Variants in TBX4 observed in about 807,000 individuals in gnomAD.
TBX4 encodes T-box transcription factor 4.
Under a neutral mutation model 54.6 loss-of-function variants are expected in TBX4, and 13 were observed. The observed-to-expected ratio is 0.24, with a 90% CI of 0.15 to 0.38. The LOEUF (loss-of-function observed/expected upper bound fraction) is 0.38, where lower values mean the gene tolerates loss of function less well. Ranked by LOEUF, TBX4 falls within the 10% of genes least tolerant of loss-of-function variation. TBX4 has a pLI of 1.00. For missense variants in TBX4, 631 were observed against 728.5 expected, an observed-to-expected ratio of 0.87 and a Z score of 1.54; for synonymous variants, 314 against 306.7, an observed-to-expected ratio of 1.02 and a Z score of -0.25.
At position 61,465,730 on chromosome 17, in the gene TBX4, G is replaced by A. The variant is rs978790301; in HGVS notation, c.282-89G>A. 7 of 1,564,148 alleles carry A rather than the reference G, an allele frequency of 4.5e-6. No homozygotes were observed. Among genetic ancestry groups the A allele is most frequent in the African/African-American group, 2.7e-5 (2 of 73,858 alleles). On this transcript the variant is annotated intron_variant, in intron 3 of 8. Coordinates refer to ENST00000644296, the MANE Select transcript of TBX4 (RefSeq NM_001321120.2). This position sits in a 1 kb window ranked among gnomAD's most constrained non-coding sequence, Gnocchi z 4.9. ...ATCGCTGGCCAAAAGGGCAGCATCT[G>A]TTAGCGGCCTTCTGCCCCCTTGCTC... is the stretch of plus-strand genomic sequence containing the variant.
At chr17:61,467,379 A>G in intron 4 of TBX4, 131 bp from the exon 5 acceptor site, 1 of 1,036,280 alleles carries the variant, frequency 9.6e-7, no homozygotes, top group Non-Finnish European at 1.5e-6. Flanking sequence ...TGAAGTACTA[A>G]TTTGACAATG....
At position 61,484,972 on chromosome 17, in the gene TBX4, A is replaced by ATAT. The variant is rs1555884113; in HGVS notation, c.*1456_*1457insTAT. The ATAT allele has an allele frequency of 1.0e-4, 15 of 147,992 alleles. No individual in the cohort carries two copies. The highest frequency in any genetic ancestry group is 3.6e-3 in the Middle Eastern group (1 of 280). The allele number at this position is 147,992 out of a possible 1,614,324, so 9.2% of individuals were successfully genotyped here. ...TATATATATATATATATATATATAT[A>ATAT]AACACACACACACTACAGATAAGGC... On this transcript the variant is annotated 3_prime_UTR_variant, in exon 9 of 9. Transcript: ENST00000644296. The surrounding 1 kb of genome is among the most constrained non-coding windows in gnomAD (Gnocchi z 4.1).
Position 61,465,063 on chromosome 17 carries a change from G to C in TBX4, c.282-756G>C, listed in dbSNP as rs2060524932. The stretch of plus-strand genomic sequence containing the variant: ...CCAAGGCACAGAGAGGTTCAAGCAA[G>C]TTGCCTAAGGCTTATCAGTGGGGTC... On this transcript the variant is annotated intron_variant, in intron 3 of 8. Coordinates refer to ENST00000644296, the MANE Select transcript of TBX4 (RefSeq NM_001321120.2). This position sits in a 1 kb window ranked among gnomAD's most constrained non-coding sequence, Gnocchi z 4.9. Among the ~76,000 whole-genome samples the C allele has an allele frequency of 6.6e-6, 1 of 152,140 alleles. No individual in the cohort carries two copies. Among genetic ancestry groups the C allele is most frequent in the African/African-American group, 2.4e-5 (1 of 41,404 alleles).
rs71373882 is a variant in TBX4, at chr17:61,465,544, G to C, written c.282-275G>C. Among the ~76,000 whole-genome samples the C allele has an allele frequency of 0.11, 16,573 of 152,252 alleles. 1,035 individuals carry two copies. The highest frequency in any genetic ancestry group is 0.2 in the East Asian group (1,044 of 5,170). ...CCAAGTCTTAGGGGATTATGGGGGA[G>C]GGGATAAGTGAATTTGGGAAATGGT... On this transcript the variant is annotated intron_variant, in intron 3 of 8. Transcript: ENST00000644296. The surrounding 1 kb of genome is among the most constrained non-coding windows in gnomAD (Gnocchi z 4.9).
At chr17:61,467,845 C>T (rs2060547405) in intron 5 of TBX4, among the ~76,000 whole-genome samples, 188 bp downstream of exon 5, 1 of 152,224 alleles carries the variant, frequency 6.6e-6, no homozygotes, top group South Asian at 2.1e-4. Context: ...TTCCCGGCCA[C>T]TTACTGGCTG....
chr17:61,455,110 C>T (rs1262918846), intron 1 of TBX4, among the ~76,000 whole-genome samples: 3 of 152,214 alleles, frequency 2.0e-5, no homozygotes, highest in African/African-American at 7.2e-5. Flanking sequence ...AAGACTGGTC[C>T]GCCTGTCAAC....
intron 5 of TBX4, among the ~76,000 whole-genome samples, chr17:61,469,565 C>A (rs1326937029): frequency 1.3e-5 from 2 of 152,218 alleles, no homozygotes; most frequent in African/African-American, 4.8e-5. Flanking sequence ...TACAACAGCC[C>A]TGTGGGTGTG....
intron 1 of TBX4, 169 bp from the exon 2 acceptor site, chr17:61,456,319 C>G: frequency 1.2e-6 from 1 of 825,972 alleles, no homozygotes; most frequent in East Asian, 2.8e-5. Context: ...AGGCGAGGGA[C>G]CTGCCTTCCT....
rs1430238431 is a variant in TBX4 at position 61,483,513 on chromosome 17, A to T, written c.1638A>T (p.Gly546=). Residue 546 remains glycine (G), a synonymous_variant, in exon 9 of 9, where the codon GGA becomes GGT. Coordinates refer to ENST00000644296, the MANE Select transcript of TBX4 (RefSeq NM_001321120.2). This position sits in a 1 kb window ranked among gnomAD's most constrained non-coding sequence, Gnocchi z 6.6. ...GGACTGTGGAGAACTGGACTGACGG[A>T]TGACTCTCACGTCTCCTCCATAGCC... is the stretch of plus-strand genomic sequence containing the variant. ...GMGTVENWTD[G] 5.6e-6 allele frequency: 9 copies of T among 1,613,888 alleles called. No homozygotes were observed. The highest frequency in any genetic ancestry group is 5.9e-6 in the Non-Finnish European group (7 of 1,180,032).
chr17:61,454,651 CA>C (rs534153763), intron 1 of TBX4, among the ~76,000 whole-genome samples: 116 of 152,380 alleles, frequency 7.6e-4, no homozygotes, highest in African/African-American at 2.7e-3. Flanking sequence ...GAGCACTGAG[CA>C]GGCCTCGTCC....
Position 61,456,597 on chromosome 17 carries a change from C to A in TBX4, c.107C>A (p.Ala36Glu). 2 of 1,521,152 alleles carry A rather than the reference C, an allele frequency of 1.3e-6. No homozygotes were observed. Among genetic ancestry groups the A allele is most frequent in the Non-Finnish European group, 1.8e-6 (2 of 1,133,834 alleles). The allele number at this position is 1,521,152 out of a possible 1,614,324, so 94.2% of individuals were successfully genotyped here. Residue 36 changes from alanine (A) to glutamate (E), a missense_variant, in exon 2 of 9, where the codon GCG becomes GAG. This residue lies in a region of TBX4 where 123 missense variants were observed against 120.9 expected (regional missense o/e 1.02). Transcript: ENST00000644296. ...AANAPEPALAAPGLSGAALGS... is the reference protein window; with the variant it reads ...AANAPEPALAEPGLSGAALGS... ...AACGCCCCCGAGCCCGCGCTGGCAGCGCCGGGCCTCAGCGGAGCCGCGCTA... is the reference window on the plus strand; with the variant it reads ...AACGCCCCCGAGCCCGCGCTGGCAGAGCCGGGCCTCAGCGGAGCCGCGCTA...
At chr17:61,467,451 G>A in intron 4 of TBX4, 59 bp from the exon 5 acceptor site, 2 of 1,610,420 alleles carry the variant, frequency 1.2e-6, no homozygotes, top group Non-Finnish European at 1.7e-6. Flanking sequence ...GAGGGGACGG[G>A]GAATCTGGCC....
Position 61,484,929 on chromosome 17 carries a change from A to G in TBX4, c.*1413A>G, listed in dbSNP as rs2060692617. On this transcript the variant is annotated 3_prime_UTR_variant, in exon 9 of 9. Transcript: ENST00000644296. The surrounding 1 kb of genome is among the most constrained non-coding windows in gnomAD (Gnocchi z 4.1). Reference sequence around the variant, plus strand: ...ATATTAAAAACTAAGAATGGTTTAGATAAAACATATAAATAAATATATATA... The same window carrying G: ...ATATTAAAAACTAAGAATGGTTTAGGTAAAACATATAAATAAATATATATA... 1 of 129,036 alleles carries G rather than the reference A, an allele frequency of 7.7e-6. No homozygotes were observed. The highest frequency in any genetic ancestry group is 1.6e-5 in the Non-Finnish European group (1 of 62,724). The allele number at this position is 129,036 out of a possible 1,614,324, so 8.0% of individuals were successfully genotyped here. A position where few individuals can be genotyped will look rare whatever the true frequency, so the allele number is the denominator to read the frequency against.
At position 61,480,182 on chromosome 17, in the gene TBX4, G is replaced by A. The variant is rs1360027650; in HGVS notation, c.884G>A (p.Gly295Asp). 1 of 1,613,984 alleles carries A rather than the reference G, an allele frequency of 6.2e-7. No individual in the cohort carries two copies. Among genetic ancestry groups the A allele is most frequent in the Non-Finnish European group, 8.5e-7 (1 of 1,180,034 alleles). The change falls in exon 8 of 9, where the codon GGC becomes GAC. Residue 295 changes from glycine to aspartate, a missense_variant. Coordinates refer to ENST00000644296, the MANE Select transcript of TBX4 (RefSeq NM_001321120.2). The surrounding 1 kb of genome is among the most constrained non-coding windows in gnomAD (Gnocchi z 6.2). ...SATPDVGPLL[G>D]THQALQHYQH... ...ACACCGGACGTGGGCCCCCTGCTCG[G>A]CACCCACCAGGCACTCCAGCACTAC...
chr17:61,467,372 A>C (rs1368878339), intron 4 of TBX4, 138 bp from the exon 5 acceptor site: 1 of 930,552 alleles, frequency 1.1e-6, no homozygotes, highest in Non-Finnish European at 1.7e-6. Flanking sequence ...CTACCCTTGA[A>C]GTACTAATTT....
At chr17:61,473,035 T>C (rs1368118164) in intron 5 of TBX4, among the ~76,000 whole-genome samples, 1 of 152,230 alleles carries the variant, frequency 6.6e-6, no homozygotes, top group African/African-American at 2.4e-5. Flanking sequence ...TTCACATAAA[T>C]TTTAGAATAA....
At chr17:61,468,282 C>T (rs988708450) in intron 5 of TBX4, among the ~76,000 whole-genome samples, 13 of 152,358 alleles carry the variant, frequency 8.5e-5, no homozygotes, top group African/African-American at 3.1e-4. Context: ...GACGCCCCAT[C>T]CAGGCAGCCC....
At chr17:61,469,446 T>C (rs1299444796) in intron 5 of TBX4, among the ~76,000 whole-genome samples, 3 of 152,220 alleles carry the variant, frequency 2.0e-5, no homozygotes, top group Non-Finnish European at 4.4e-5. Flanking sequence ...GCCTTGATGA[T>C]AGGGATACTA....
chr17:61,461,333 G>C lies in TBX4; in HGVS notation c.281+3702G>C, dbSNP rs902407933. ...AATCGATTTATTATCTTCAAAATCAGAACTCACTTGGCTACAGAAGGCTTG... is the reference window on the plus strand; with the variant it reads ...AATCGATTTATTATCTTCAAAATCACAACTCACTTGGCTACAGAAGGCTTG... On this transcript the variant is annotated intron_variant, in intron 3 of 8. Transcript: ENST00000644296. This position sits in a 1 kb window ranked among gnomAD's most constrained non-coding sequence, Gnocchi z 5.1. Among the ~76,000 whole-genome samples the C allele has an allele frequency of 9.2e-5, 14 of 152,164 alleles. No individual in the cohort carries two copies. The highest frequency in any genetic ancestry group is 3.4e-4 in the African/African-American group (14 of 41,424).
Sources: allele counts gnomAD v4.1 joint callset (sites outside exome capture counted in the v4.1 genomes callset), GRCh38; gene constraint gnomAD v4.1.1; regional missense constraint gnomAD v4.1.1; non-coding constraint Gnocchi (gnomAD v3.1); transcripts MANE v1.5; gene names NCBI Gene and HGNC (gene_info 2026-07-23, HGNC 2026-07-21).